Variants in MRPL22 observed in about 807,000 individuals in gnomAD.
MRPL22 encodes mitochondrial ribosomal protein L22, also known as large ribosomal subunit protein uL22m.
MRPL22 carries 27 observed loss-of-function variants against 32.4 expected under a neutral mutation model. The observed-to-expected ratio is 0.83, with a 90% CI of 0.61 to 1.15. MRPL22 has a LOEUF of 1.15. Among genes scored for constraint, MRPL22 ranks in the 50% most tolerant of loss-of-function variants. The pLI is 0.00. For missense variants in MRPL22, 239 were observed against 260.2 expected, an observed-to-expected ratio of 0.92 and a Z score of 0.56; for synonymous variants, 86 against 87.3, an observed-to-expected ratio of 0.99 and a Z score of 0.08.
At chr5:154,963,961 A>G (rs1020711426) in intron 6 of MRPL22, among the ~76,000 whole-genome samples, 1 of 152,158 alleles carries the variant, frequency 6.6e-6, no homozygotes, top group African/African-American at 2.4e-5. Context: ...AAGCAGTAAT[A>G]GTGTAGTACA....
intron 2 of MRPL22, among the ~76,000 whole-genome samples, chr5:154,949,181 C>T (rs563640270): frequency 6.6e-6 from 1 of 152,152 alleles, no homozygotes; most frequent in East Asian, 1.9e-4. Flanking sequence ...TATTTCAAGA[C>T]CGTAATCTGG....
chr5:154,947,682 A>G (rs1009596149), intron 2 of MRPL22, among the ~76,000 whole-genome samples: 2 of 152,220 alleles, frequency 1.3e-5, no homozygotes, highest in African/African-American at 4.8e-5. Flanking sequence ...CTAGAATACA[A>G]AGAAAGTCGG....
rs953895846 is a variant in MRPL22 at position 154,967,545 on chromosome 5, A to G, written c.*648A>G. ...CAACAGTGCTTTATATTGTTTGGAT[A>G]TCTTGTTTAGGATTGATTTATTTTT... On this transcript the variant is annotated 3_prime_UTR_variant, in exon 7 of 7. Transcript: ENST00000523037. This position sits in a 1 kb window ranked among gnomAD's most constrained non-coding sequence, Gnocchi z 4.7. The G allele has an allele frequency of 6.6e-6, 1 of 152,178 alleles. No individual in the cohort carries two copies. The highest frequency in any genetic ancestry group is 1.5e-5 in the Non-Finnish European group (1 of 68,034). 9.4% of individuals were successfully genotyped at this position (152,178 alleles called of 1,614,324 possible).
At chr5:154,944,983 A>G (rs1034763578) in intron 2 of MRPL22, among the ~76,000 whole-genome samples, 10 of 152,228 alleles carry the variant, frequency 6.6e-5, no homozygotes, top group Admixed American at 6.5e-5. Flanking sequence ...CATAAATCAT[A>G]TAGAGCCTTA....
chr5:154,947,230 C>A (rs1233069042), intron 2 of MRPL22, among the ~76,000 whole-genome samples: 2 of 152,160 alleles, frequency 1.3e-5, no homozygotes, highest in African/African-American at 4.8e-5. Context: ...ATGACTTCCC[C>A]AAGGCCATTC....
Position 154,966,836 on chromosome 5 carries a change from T to C in MRPL22, c.560T>C (p.Val187Ala), listed in dbSNP as rs1474662307. 6.2e-7 allele frequency: 1 copy of C among 1,614,014 alleles called. No individual in the cohort carries two copies. The highest frequency in any genetic ancestry group is 8.5e-7 in the Non-Finnish European group (1 of 1,180,030). The change falls in exon 7 of 7, where the codon GTT becomes GCT. Residue 187 changes from valine (V) to alanine (A), a missense_variant. Val to Ala is a moderately conservative substitution (Grantham distance 64). Transcript: ENST00000523037. ...CCACCTGAGCCACCAAAGACGGCAG[T>C]TGCCCATGCCAAAGAGTATATTCAG... ...PPPPEPPKTA[V>A]AHAKEYIQQL...
intron 2 of MRPL22, among the ~76,000 whole-genome samples, chr5:154,948,049 C>T (rs748209579): frequency 6.6e-6 from 1 of 152,146 alleles, no homozygotes; most frequent in Non-Finnish European, 1.5e-5. Context: ...GTCTGGACTT[C>T]GTATTGTGGG....
intron 2 of MRPL22, among the ~76,000 whole-genome samples, chr5:154,942,416 C>T (rs910879809): frequency 2.0e-5 from 3 of 152,154 alleles, no homozygotes; most frequent in East Asian, 1.9e-4. Context: ...TTTTTGGGTC[C>T]GAGGGGGATA....
At chr5:154,943,358 G>A (rs1764444915) in intron 2 of MRPL22, among the ~76,000 whole-genome samples, 1 of 151,736 alleles carries the variant, frequency 6.6e-6, no homozygotes, top group African/African-American at 2.4e-5. Context: ...TGATCCTCCT[G>A]CCTTGGCCTG....
intron 4 of MRPL22, 65 bp downstream of exon 4, chr5:154,956,501 C>G: frequency 5.9e-6 from 6 of 1,012,346 alleles, no homozygotes; most frequent in Non-Finnish European, 9.0e-6. Context: ...GTTCCCCTCC[C>G]CACCCCTCAC....
chr5:154,949,524 G>C (rs1184285030), intron 2 of MRPL22, among the ~76,000 whole-genome samples: 2 of 152,168 alleles, frequency 1.3e-5, no homozygotes, highest in Non-Finnish European at 2.9e-5. Context: ...TTGCTATATA[G>C]GATGGTGGCA....
chr5:154,955,695 C>T (rs1764621078), intron 3 of MRPL22: 1 of 152,304 alleles, frequency 6.6e-6, no homozygotes, highest in Non-Finnish European at 1.5e-5. Context: ...CAGGACATAC[C>T]TACAACTTTA....
At chr5:154,958,913 T>C (rs1287918682) in intron 5 of MRPL22, 1 of 152,182 alleles carries the variant, frequency 6.6e-6, no homozygotes, top group African/African-American at 2.4e-5. Context: ...GAGAGTAAAT[T>C]TGATAATTAA....
chr5:154,959,726 A>G (rs549059994), intron 5 of MRPL22, among the ~76,000 whole-genome samples: 6 of 152,348 alleles, frequency 3.9e-5, no homozygotes, highest in African/African-American at 1.2e-4. Flanking sequence ...AAGCACCGCT[A>G]TCTCCTTTAT....
At chr5:154,947,437 T>C (rs190178726) in intron 2 of MRPL22, among the ~76,000 whole-genome samples, 194 of 152,318 alleles carry the variant, frequency 1.3e-3, no homozygotes, top group Admixed American at 5.2e-3. Context: ...ATGGCACTAA[T>C]CTTGATATTA....
Position 154,950,837 on chromosome 5 carries a change from T to C in MRPL22, c.94T>C (p.Tyr32His). The C allele has an allele frequency of 6.2e-7, 1 of 1,610,090 alleles. No individual in the cohort carries two copies. Among genetic ancestry groups the C allele is most frequent in the Non-Finnish European group, 8.5e-7 (1 of 1,176,458 alleles). Residue 32 changes from tyrosine to histidine, a missense_variant, in exon 3 of 7, where the codon TAT (tyrosine) becomes CAT (histidine). Physicochemically the swap from Tyr to His is moderately conservative, Grantham distance 83. Transcript: ENST00000523037. Reference protein sequence around the residue: ...KLALGVLPQSYIHTSASLDIS... With the variant: ...KLALGVLPQSHIHTSASLDIS... ...ATTTCACAGTGTTTTACCTCAATCA[T>C]ATATCCACACAAGTGCTTCTCTTGA...
intron 2 of MRPL22, among the ~76,000 whole-genome samples, chr5:154,947,745 A>G (rs910588104): frequency 2.6e-5 from 4 of 152,220 alleles, no homozygotes; most frequent in African/African-American, 9.6e-5. Context: ...AACTCATTCT[A>G]TTATAGCCAC....
chr5:154,956,887 C>G, intron 4 of MRPL22: 1 of 434,080 alleles, frequency 2.3e-6, no homozygotes, highest in Middle Eastern at 6.3e-4. Context: ...CCTGTGGTCT[C>G]TCTGTCATGT....
At chr5:154,957,058 TA>T (rs2113541196) in intron 4 of MRPL22, 76 bp from the exon 5 acceptor site, 1 of 1,353,302 alleles carries the variant, frequency 7.4e-7, no homozygotes, top group East Asian at 2.3e-5. Context: ...TCAAATTATG[TA>T]AGACTTTCAT....
Sources: gnomAD v4.1 joint callset for allele counts (sites outside exome capture counted in the v4.1 genomes callset) on GRCh38, gnomAD v4.1.1 for gene constraint, Gnocchi (gnomAD v3.1) non-coding constraint, MANE v1.5 for transcripts, NCBI Gene and HGNC (gene_info 2026-07-23, HGNC 2026-07-21) for gene names.